The following FREM3 variants were observed in gnomAD, a reference collection of about 807,000 sequenced individuals.
FREM3 encodes FRAS1-related extracellular matrix protein 3.
Under a neutral mutation model 129.1 loss-of-function variants are expected in FREM3, and 105 were observed. The observed-to-expected ratio is 0.81, with a 90% CI of 0.69 to 0.96. The LOEUF is 0.96. Ranked by LOEUF, FREM3 falls within the 40% of genes least tolerant of loss-of-function variation. The probability of loss-of-function intolerance (pLI) is 0.00; values close to 1 mark genes in which losing one functional copy is unlikely to be tolerated. For missense variants in FREM3, 2,593 were observed against 2,666.3 expected, an observed-to-expected ratio of 0.97 and a Z score of 0.61; for synonymous variants, 1,014 against 1,044.9, an observed-to-expected ratio of 0.97 and a Z score of 0.57.
Position 143,699,326 on chromosome 4 carries a change from G to A in FREM3, c.1350C>T (p.Pro450=), listed in dbSNP as rs1205493797. ...GLVLFEGQSR[P]LSSTHSIPIS... ...TAGGAATGCTGTGGGTGCTGGACAAGGGCCTTGACTGACCTTCAAAAAGCA... is the reference window on the plus strand; with the variant it reads ...TAGGAATGCTGTGGGTGCTGGACAAAGGCCTTGACTGACCTTCAAAAAGCA... The change falls in exon 1 of 8, where the codon CCC becomes CCT. Residue 450 remains proline (P), a synonymous_variant. Coordinates refer to ENST00000329798, the MANE Select transcript of FREM3 (RefSeq NM_001168235.2). The surrounding 1 kb of genome is among the most constrained non-coding windows in gnomAD (Gnocchi z 4.2). 8 of 1,537,362 alleles carry A rather than the reference G, an allele frequency of 5.2e-6. No individual in the cohort carries two copies. The Admixed American group carries it at 1.4e-4, about 26-fold the overall frequency.
Position 143,699,683 on chromosome 4 carries a change from G to A in FREM3, c.993C>T (p.Ala331=), listed in dbSNP as rs1312990749. 9 of 1,526,752 alleles carry A rather than the reference G, an allele frequency of 5.9e-6. No homozygotes were observed. Among genetic ancestry groups the A allele is most frequent in the Non-Finnish European group, 7.0e-6 (8 of 1,140,874 alleles). The allele number at this position is 1,526,752 out of a possible 1,614,324, so 94.6% of individuals were successfully genotyped here. A position where few individuals can be genotyped will look rare whatever the true frequency, so the allele number is the denominator to read the frequency against. ...CAGGGTCTGACTCGACGTCCTCCGC[G>A]GCCAGTGCGTCAGGCGTCAGGGCTG... ...VLTALTPDAL[A]AEDVESDPGD... The change falls in exon 1 of 8, where the codon GCC becomes GCT. Residue 331 remains alanine (A), a synonymous_variant. Transcript: ENST00000329798. This position sits in a 1 kb window ranked among gnomAD's most constrained non-coding sequence, Gnocchi z 4.2.
At chr4:143,665,179 G>T (rs993863522) in intron 2 of FREM3, among the ~76,000 whole-genome samples, 2 of 151,854 alleles carry the variant, frequency 1.3e-5, no homozygotes, top group Non-Finnish European at 2.9e-5. Flanking sequence ...CGTCTTCTGC[G>T]TTGCTCACGC....
At position 143,699,966 on chromosome 4, in the gene FREM3, C is replaced by T. The variant is rs1031639941; in HGVS notation, c.710G>A (p.Gly237Asp). Residue 237 changes from glycine (G) to aspartate (D), a missense_variant, in exon 1 of 8, where the codon GGC becomes GAC. By Grantham distance (94) the Gly-to-Asp change is moderately conservative. Around this residue, in one of 2 missense-constraint regions of FREM3, gnomAD observed 2,276 missense variants for 2,267.2 expected, o/e 1.00. Coordinates refer to ENST00000329798, the MANE Select transcript of FREM3 (RefSeq NM_001168235.2). The surrounding 1 kb of genome is among the most constrained non-coding windows in gnomAD (Gnocchi z 4.2). ...GAAAGCCTCACAGTCTACGCCCTTG[C>T]CCCTGGGGAGAGGGGCCCCCACCGC... ...VDAVGAPLPR[G>D]KGVDCEAFLR... 1.8e-5 allele frequency: 27 copies of T among 1,512,020 alleles called. No individual in the cohort carries two copies. Among genetic ancestry groups the T allele is most frequent in the Non-Finnish European group, 2.4e-5 (27 of 1,132,252 alleles). The allele number at this position is 1,512,020 out of a possible 1,614,324, so 93.7% of individuals were successfully genotyped here. A position where few individuals can be genotyped will look rare whatever the true frequency, so the allele number is the denominator to read the frequency against.
In FREM3 at chr4:143,633,932, G is replaced by C. The variant is rs578170772; in HGVS notation, c.5276-6172C>G. Among the ~76,000 whole-genome samples the C allele has an allele frequency of 4.6e-5, 7 of 152,230 alleles. No homozygotes were observed. The East Asian group carries it at 1.4e-3, about 29-fold the overall frequency. On this transcript the variant is annotated intron_variant, in intron 2 of 7. Transcript: ENST00000329798. ...AAACAGTGACAGTGGAAAGGGAAAA[G>C]ATGGGTTAAAGAAAAATGAAGGAAG...
intron 2 of FREM3, among the ~76,000 whole-genome samples, chr4:143,674,531 A>T (rs1219083218): frequency 6.6e-6 from 1 of 152,252 alleles, no homozygotes; most frequent in Non-Finnish European, 1.5e-5. Context: ...GATCAAATTC[A>T]CACATAACAA....
At position 143,696,178 on chromosome 4, in the gene FREM3, G is replaced by A. The variant is rs112033334; in HGVS notation, c.4498C>T (p.His1500Tyr). 1.8e-5 allele frequency: 28 copies of A among 1,537,784 alleles called. No homozygotes were observed. Among genetic ancestry groups the A allele is most frequent in the African/African-American group, 1.8e-4 (13 of 73,168 alleles). ...ATCTTTTTCTCATCATTTGAAGTATGGACATAGGATATTTTGTTGCTAGCC... is the reference window on the plus strand; with the variant it reads ...ATCTTTTTCTCATCATTTGAAGTATAGACATAGGATATTTTGTTGCTAGCC... Reference protein sequence around the residue: ...QLASNKISYVHTSNDEKKMDS... With the variant: ...QLASNKISYVYTSNDEKKMDS... The change falls in exon 1 of 8, where the codon CAT becomes TAT. Residue 1500 changes from histidine to tyrosine, a missense_variant. By Grantham distance (83) the His-to-Tyr change is moderately conservative. Around this residue, in one of 2 missense-constraint regions of FREM3, gnomAD observed 2,276 missense variants for 2,267.2 expected, o/e 1.00. Transcript: ENST00000329798.
In FREM3 at chr4:143,698,670, A is replaced by G. The variant is rs140218823; in HGVS notation, c.2006T>C (p.Met669Thr). 9.8e-6 allele frequency: 15 copies of G among 1,537,720 alleles called. No individual in the cohort carries two copies. The East Asian group carries it at 3.7e-4, about 38-fold the overall frequency. The change falls in exon 1 of 8, where the codon ATG (methionine) becomes ACG (threonine). Residue 669 changes from methionine to threonine, a missense_variant. This residue lies in a region of FREM3 where 2,276 missense variants were observed against 2,267.2 expected (regional missense o/e 1.00). Transcript: ENST00000329798. ...HLGPHSPQSV[M>T]VQLAFHVQDD... ...CTGCACATGGAAAGCCAGCTGGACC[A>G]TTACAGATTGAGGGCTGTGTGGTCC... is the stretch of plus-strand genomic sequence containing the variant.
chr4:143,628,700 C>T (rs1739088495), intron 2 of FREM3, among the ~76,000 whole-genome samples: 1 of 152,108 alleles, frequency 6.6e-6, no homozygotes, highest in Admixed American at 6.5e-5. Flanking sequence ...TTAGAAAAAG[C>T]TGATGCCATG....
chr4:143,591,905 T>C (rs1738370236), intron 6 of FREM3, among the ~76,000 whole-genome samples: 2 of 152,244 alleles, frequency 1.3e-5, no homozygotes, highest in African/African-American at 4.8e-5. Flanking sequence ...AAGGACTTGC[T>C]TTATGAATCT....
At chr4:143,593,085 A>T (rs1738396262) in intron 6 of FREM3, among the ~76,000 whole-genome samples, 2 of 152,120 alleles carry the variant, frequency 1.3e-5, no homozygotes, top group South Asian at 4.1e-4. Flanking sequence ...TTTCAGCTCC[A>T]TCAGGTCCTT....
At position 143,700,065 on chromosome 4, in the gene FREM3, G is replaced by GC; in HGVS notation, c.610dup (p.Ala204GlyfsTer40). On this transcript the variant is annotated frameshift_variant, in exon 1 of 8. Transcript: ENST00000329798. LOFTEE classifies it high-confidence loss of function. ...TGGGGTAAGCCGGCACCTGCGGGTG[G>GC]CCGTGGCTCCAGACTTCAGGGAGGC... 6.6e-7 allele frequency: 1 copy of GC among 1,524,116 alleles called. No individual in the cohort carries two copies. Among genetic ancestry groups the GC allele is most frequent in the Non-Finnish European group, 8.8e-7 (1 of 1,137,426 alleles). The allele number at this position is 1,524,116 out of a possible 1,614,324, so 94.4% of individuals were successfully genotyped here. A position where few individuals can be genotyped will look rare whatever the true frequency, so the allele number is the denominator to read the frequency against.
At chr4:143,680,529 T>C (rs1390211417) in intron 2 of FREM3, among the ~76,000 whole-genome samples, 1 of 152,126 alleles carries the variant, frequency 6.6e-6, no homozygotes, top group African/African-American at 2.4e-5. Flanking sequence ...TACATTTACA[T>C]TGCTTCTTGA....
At chr4:143,679,965 A>G (rs1740220786) in intron 2 of FREM3, among the ~76,000 whole-genome samples, 1 of 152,136 alleles carries the variant, frequency 6.6e-6, no homozygotes, top group Admixed American at 6.6e-5. Context: ...TGTATGTATA[A>G]GCTAGAATAA....
At chr4:143,639,537 CATT>C (rs1235856653) in intron 2 of FREM3, among the ~76,000 whole-genome samples, 1 of 152,082 alleles carries the variant, frequency 6.6e-6, no homozygotes, top group Non-Finnish European at 1.5e-5. Context: ...CATGTGGCAC[CATT>C]ACAGCAATCC....
chr4:143,633,151 A>G (rs1420219964), intron 2 of FREM3, among the ~76,000 whole-genome samples: 1 of 152,154 alleles, frequency 6.6e-6, no homozygotes, highest in Non-Finnish European at 1.5e-5. Flanking sequence ...GTGTCCAGTG[A>G]CAACTGTACC....
At chr4:143,582,748 A>G (rs114650250) in intron 7 of FREM3, among the ~76,000 whole-genome samples, 472 of 152,316 alleles carry the variant, frequency 3.1e-3, no homozygotes, top group African/African-American at 0.01. Context: ...AGTCAAAACC[A>G]ATCCAAGGAA....
At chr4:143,643,455 A>G (rs1166801574) in intron 2 of FREM3, among the ~76,000 whole-genome samples, 1 of 151,904 alleles carries the variant, frequency 6.6e-6, no homozygotes, top group African/African-American at 2.4e-5. Context: ...TATAAATATA[A>G]ACACAACCAT....
intron 3 of FREM3, among the ~76,000 whole-genome samples, chr4:143,627,370 AAGAG>A (rs1739058084): frequency 6.6e-6 from 1 of 152,174 alleles, no homozygotes; most frequent in African/African-American, 2.4e-5. Context: ...TGAGTTATAA[AAGAG>A]AGAAAGATGT....
At chr4:143,605,203 T>C (rs1738647704) in intron 6 of FREM3, among the ~76,000 whole-genome samples, 1 of 152,164 alleles carries the variant, frequency 6.6e-6, no homozygotes, top group Admixed American at 6.5e-5. Flanking sequence ...TTCCTTTTTA[T>C]ATTTAATATT....
Sources: allele counts gnomAD v4.1 joint callset (sites outside exome capture counted in the v4.1 genomes callset), GRCh38; gene constraint gnomAD v4.1.1; regional missense constraint gnomAD v4.1.1; non-coding constraint Gnocchi (gnomAD v3.1); transcripts MANE v1.5; gene names NCBI Gene and HGNC (gene_info 2026-07-23, HGNC 2026-07-21).